The following SCARF2 variants were observed in gnomAD, a reference collection of about 807,000 sequenced individuals.
The protein encoded by SCARF2 is scavenger receptor expressed by endothelial cells 2 protein.
In SCARF2, 39 loss-of-function variants were observed where a neutral mutation model predicts 73.4. That is an observed-to-expected ratio of 0.53 (90% CI 0.41 to 0.69). SCARF2 has a LOEUF of 0.69. SCARF2 is among the 30% of genes least tolerant of loss of function. The pLI is 0.00. For synonymous variants in SCARF2, 605 were observed against 590.0 expected, an observed-to-expected ratio of 1.03 and a Z score of -0.37; for missense variants, 1,148 against 1,303.5, an observed-to-expected ratio of 0.88 and a Z score of 1.84.
At position 20,430,988 on chromosome 22, in the gene SCARF2, C is replaced by T. The variant is rs534502403; in HGVS notation, c.854+30G>A. On this transcript the variant is annotated intron_variant, in intron 4 of 10. Coordinates refer to ENST00000622235, the MANE Select transcript of SCARF2 (RefSeq NM_182895.5). ...CATCGGCGGCCCGCCCTTCCACCTC[C>T]TCCCTCCCTGGCCGAGAGACCGCGC... 3.0e-4 allele frequency: 477 copies of T among 1,568,724 alleles called. 1 individual carries two copies. The African/African-American group carries it at 5.6e-3, about 18-fold the overall frequency.
chr22:20,426,988 C>T (rs1289586915), intron 10 of SCARF2, among the ~76,000 whole-genome samples: 1 of 151,988 alleles, frequency 6.6e-6, no homozygotes, highest in African/African-American at 2.4e-5. Flanking sequence ...CCCGTGGCAT[C>T]TGGGGGCACA....
Position 20,430,426 on chromosome 22 carries a change from C to T in SCARF2, c.1202+3G>A, listed in dbSNP as rs767090010. The T allele has an allele frequency of 6.3e-7, 1 of 1,588,128 alleles. No homozygotes were observed. Among genetic ancestry groups the T allele is most frequent in the Non-Finnish European group, 8.6e-7 (1 of 1,167,782 alleles). ...AACCCCCTCCCGGTCCCGGGGCACT[C>T]ACTGGGGCCCGTGGACGCCAGGGCT... On this transcript the variant is annotated splice_donor_region_variant and intron_variant, in intron 6 of 10. Coordinates refer to ENST00000622235, the MANE Select transcript of SCARF2 (RefSeq NM_182895.5).
chr22:20,429,530 G>A lies in SCARF2; in HGVS notation c.1424+6C>T. 1 of 1,612,190 alleles carries A rather than the reference G, an allele frequency of 6.2e-7. No individual in the cohort carries two copies. Among genetic ancestry groups the A allele is most frequent in the Non-Finnish European group, 8.5e-7 (1 of 1,179,612 alleles). On this transcript the variant is annotated splice_donor_region_variant and intron_variant, in intron 8 of 10. Transcript: ENST00000622235. The surrounding 1 kb of genome is among the most constrained non-coding windows in gnomAD (Gnocchi z 5.2). ...CAGGCGAAAGCGGGGCAGTATCTGG[G>A]CTCACCGGCGCGTAGGGTCCTTGCC...
chr22:20,427,320 G>A, intron 10 of SCARF2, 78 bp downstream of exon 10: 11 of 1,563,446 alleles, frequency 7.0e-6, no homozygotes, highest in South Asian at 1.1e-5. Flanking sequence ...CCCTTCTCCT[G>A]TGTCCCACCC....
chr22:20,436,601 G>A (rs1001164069), intron 1 of SCARF2, among the ~76,000 whole-genome samples: 1 of 152,036 alleles, frequency 6.6e-6, no homozygotes, highest in Non-Finnish European at 1.5e-5. Flanking sequence ...CCTGGACTCG[G>A]CTTGCCCCGG....
chr22:20,429,264 G>C lies in SCARF2; in HGVS notation c.1501C>G (p.Arg501Gly). The change falls in exon 9 of 11, where the codon CGG becomes GGG. Residue 501 changes from arginine to glycine, a missense_variant. Coordinates refer to ENST00000622235, the MANE Select transcript of SCARF2 (RefSeq NM_182895.5). The surrounding 1 kb of genome is among the most constrained non-coding windows in gnomAD (Gnocchi z 5.2). ...AGTTTCTGCCTCCGGAGCGGGATCC[G>C]GGGCAGCTTCATGCTGATGCGACTG... ...RFSRISMKLP[R>G]IPLRRQKLPK... The C allele has an allele frequency of 6.2e-7, 1 of 1,613,856 alleles. No individual in the cohort carries two copies. The highest frequency in any genetic ancestry group is 8.5e-7 in the Non-Finnish European group (1 of 1,180,016).
At chr22:20,436,909 C>T (rs1250394474) in intron 1 of SCARF2, among the ~76,000 whole-genome samples, 1 of 152,194 alleles carries the variant, frequency 6.6e-6, no homozygotes, top group Non-Finnish European at 1.5e-5. Context: ...CTTCCCCAGC[C>T]GGCGCCCCAC....
In SCARF2 at chr22:20,436,610, G is replaced by A. The variant is rs112857681; in HGVS notation, c.173+972C>T. The stretch of plus-strand genomic sequence containing the variant: ...CGAGCCCCTGGACTCGGCTTGCCCC[G>A]GGTCCGTGGCTCAGGCGCCCCGACG... On this transcript the variant is annotated intron_variant, in intron 1 of 10. Coordinates refer to ENST00000622235, the MANE Select transcript of SCARF2 (RefSeq NM_182895.5). 2.6e-5 allele frequency among the ~76,000 whole-genome samples: 4 copies of A among 151,958 alleles called. No individual in the cohort carries two copies. In the South Asian group the frequency reaches 6.2e-4, roughly 24 times the overall value.
Position 20,429,151 on chromosome 22 carries a change from C to A in SCARF2, c.1540+74G>T, listed in dbSNP as rs540730153. 1 of 1,592,394 alleles carries A rather than the reference C, an allele frequency of 6.3e-7. No individual in the cohort carries two copies. Among genetic ancestry groups the A allele is most frequent in the Non-Finnish European group, 8.6e-7 (1 of 1,161,220 alleles). On this transcript the variant is annotated intron_variant, in intron 9 of 10. Coordinates refer to ENST00000622235, the MANE Select transcript of SCARF2 (RefSeq NM_182895.5). This position sits in a 1 kb window ranked among gnomAD's most constrained non-coding sequence, Gnocchi z 5.2. ...CATTTCCTCACTGAGATCTGGACCCCCTCACACCCATTTCCCAGCAGCTTC... is the reference window on the plus strand; with the variant it reads ...CATTTCCTCACTGAGATCTGGACCCACTCACACCCATTTCCCAGCAGCTTC...
chr22:20,425,307 T>A lies in SCARF2; in HGVS notation c.*68A>T. 8.0e-7 allele frequency: 1 copy of A among 1,253,276 alleles called. No homozygotes were observed. The highest frequency in any genetic ancestry group is 1.0e-6 in the Non-Finnish European group (1 of 977,160). The allele number at this position is 1,253,276 out of a possible 1,614,324, so 77.6% of individuals were successfully genotyped here. A position where few individuals can be genotyped will look rare whatever the true frequency, so the allele number is the denominator to read the frequency against. On this transcript the variant is annotated 3_prime_UTR_variant, in exon 11 of 11. Coordinates refer to ENST00000622235, the MANE Select transcript of SCARF2 (RefSeq NM_182895.5). This position sits in a 1 kb window ranked among gnomAD's most constrained non-coding sequence, Gnocchi z 4.6. The stretch of plus-strand genomic sequence containing the variant: ...AGGAGGCCGCCCGTGCCCGGTAGCG[T>A]GGGAGGTGTGGGGTGGCGGGCGGCG...
Position 20,431,466 on chromosome 22 carries a change from C to A in SCARF2, c.406G>T (p.Asp136Tyr). ...CSCHPHGQCEDVTGQCTCHAR... is the reference protein window; with the variant it reads ...CSCHPHGQCEYVTGQCTCHAR... ...TGACAAGTACACTGGCCTGTCACGT[C>A]CTCGCACTGCCCGTGTGGGTGGCAG... is the stretch of plus-strand genomic sequence containing the variant. The change falls in exon 4 of 11, where the codon GAC (aspartate) becomes TAC (tyrosine). Residue 136 changes from aspartate to tyrosine, a missense_variant. Asp to Tyr is a radical substitution (Grantham distance 160, BLOSUM62 -3). Coordinates refer to ENST00000622235, the MANE Select transcript of SCARF2 (RefSeq NM_182895.5). 1 of 1,565,772 alleles carries A rather than the reference C, an allele frequency of 6.4e-7. No individual in the cohort carries two copies.
chr22:20,426,180 GCCT>G lies in SCARF2; in HGVS notation c.1793_1795del (p.Glu598del), dbSNP rs2052576135. 1 of 1,506,680 alleles carries G rather than the reference GCCT, an allele frequency of 6.6e-7. No individual in the cohort carries two copies. The highest frequency in any genetic ancestry group is 2.1e-5 in the Admixed American group (1 of 46,738). The allele number at this position is 1,506,680 out of a possible 1,614,324, so 93.3% of individuals were successfully genotyped here. The stretch of plus-strand genomic sequence containing the variant: ...GTCGGAGGACGCGGGGAGGGGTATC[GCCT>G]CCTCGGCGGAGGCTGGCGTGGTCAA... On this transcript the variant is annotated inframe_deletion, in exon 11 of 11. Coordinates refer to ENST00000622235, the MANE Select transcript of SCARF2 (RefSeq NM_182895.5).
chr22:20,431,500 C>T lies in SCARF2; in HGVS notation c.372G>A (p.Glu124=), dbSNP rs778446994. 7 of 1,577,916 alleles carry T rather than the reference C, an allele frequency of 4.4e-6. No individual in the cohort carries two copies. Among genetic ancestry groups the T allele is most frequent in the South Asian group, 1.1e-5 (1 of 87,582 alleles). ...PRQFWGPDCK[E]LCSCHPHGQC... is the part of the protein sequence containing the mutation. ...GCCCGTGTGGGTGGCAGCTACACAGCTCCTTGCAGTCGGGGCCCCAGAACT... is the reference window on the plus strand; with the variant it reads ...GCCCGTGTGGGTGGCAGCTACACAGTTCCTTGCAGTCGGGGCCCCAGAACT... Residue 124 remains glutamate (E), a synonymous_variant, in exon 4 of 11, where the codon GAG becomes GAA. Transcript: ENST00000622235.
intron 2 of SCARF2, 36 bp downstream of exon 2, chr22:20,431,894 C>CG: frequency 6.3e-6 from 10 of 1,597,356 alleles, no homozygotes; most frequent in African/African-American, 1.3e-5. Flanking sequence ...GCCCCGCCCC[C>CG]TCCCCCGCCC....
Position 20,427,502 on chromosome 22 carries a change from GGCTCCAGGAAGCTGCAGTTGAGT to G in SCARF2, c.1566_1588del (p.Leu523ThrfsTer21), listed in dbSNP as rs1351838497. The G allele has an allele frequency of 6.2e-7, 1 of 1,613,882 alleles. No individual in the cohort carries two copies. The highest frequency in any genetic ancestry group is 8.5e-7 in the Non-Finnish European group (1 of 1,180,032). On this transcript the variant is annotated frameshift_variant, in exon 10 of 11. Coordinates refer to ENST00000622235, the MANE Select transcript of SCARF2 (RefSeq NM_182895.5). LOFTEE classifies it high-confidence loss of function. ...TGAGGGCTGCTCCAGCCCTGAGGGT[GGCTCCAGGAAGCTGCAGTTGAGT>G]GTGTTATCCAGGTCGTGGTGGGCCA...
chr22:20,437,478 T>C, intron 1 of SCARF2, 104 bp downstream of exon 1: 1 of 1,266,984 alleles, frequency 7.9e-7, no homozygotes, highest in Non-Finnish European at 1.1e-6. Context: ...GGGCCCACAC[T>C]TGGCGTAGGA....
chr22:20,433,161 G>T (rs2146134848), intron 1 of SCARF2, among the ~76,000 whole-genome samples: 1 of 152,358 alleles, frequency 6.6e-6, no homozygotes, highest in South Asian at 2.1e-4. Flanking sequence ...GGCCCTGCCT[G>T]AGTGAAGCCA....
chr22:20,431,546 G>A lies in SCARF2; in HGVS notation c.335-9C>T, dbSNP rs746066070. 3.3e-5 allele frequency: 52 copies of A among 1,567,024 alleles called. No homozygotes were observed. The East Asian group carries it at 1.2e-3, about 35-fold the overall frequency. ...GAACTGGCGCGGGCACTCTGCAGGG[G>A]AGGAGCGGAGGGGGTGGAAGGCCCC... On this transcript the variant is annotated splice_polypyrimidine_tract_variant and intron_variant, in intron 3 of 10. Coordinates refer to ENST00000622235, the MANE Select transcript of SCARF2 (RefSeq NM_182895.5).
chr22:20,430,318 C>A, intron 6 of SCARF2, 111 bp downstream of exon 6: 1 of 1,336,742 alleles, frequency 7.5e-7, no homozygotes, highest in South Asian at 1.4e-5. Context: ...GGGTAAGGGA[C>A]CAAGGCTGAG....
Sources: allele counts gnomAD v4.1 joint callset (sites outside exome capture counted in the v4.1 genomes callset), GRCh38; gene constraint gnomAD v4.1.1; non-coding constraint Gnocchi (gnomAD v3.1); transcripts MANE v1.5; gene names NCBI Gene and HGNC (gene_info 2026-07-23, HGNC 2026-07-21).